SKAP2: variants seen among roughly 807,000 people sequenced by gnomAD.
SKAP2 encodes src kinase associated phosphoprotein 2.
A neutral mutation model predicts 54.9 loss-of-function variants in SKAP2; 28 were observed. That is an observed-to-expected ratio of 0.51 (90% confidence interval 0.38 to 0.70). The LOEUF (loss-of-function observed/expected upper bound fraction) is 0.70. SKAP2 is among the 30% of genes least tolerant of loss of function. The probability of loss-of-function intolerance (pLI) is 0.00; values close to 1 mark genes in which losing one functional copy is unlikely to be tolerated. For missense variants in SKAP2, 356 were observed against 424.1 expected, an observed-to-expected ratio of 0.84 and a Z score of 1.41; for synonymous variants, 137 against 134.3, an observed-to-expected ratio of 1.02 and a Z score of -0.14.
At chr7:26,827,605 C>T (rs186574429) in intron 4 of SKAP2, among the ~76,000 whole-genome samples, 69 of 152,282 alleles carry the variant, frequency 4.5e-4, no homozygotes, top group Non-Finnish European at 7.2e-4. Flanking sequence ...TCTGGCACTA[C>T]TGTAAATAAT....
At chr7:26,709,555 A>T (rs191214074) in intron 9 of SKAP2, among the ~76,000 whole-genome samples, 18 of 152,298 alleles carry the variant, frequency 1.2e-4, no homozygotes, top group Admixed American at 8.5e-4. Context: ...TTATCTAATC[A>T]TTGATTCTTA....
At chr7:26,714,382 T>C (rs1787384469) in intron 9 of SKAP2, among the ~76,000 whole-genome samples, 1 of 152,222 alleles carries the variant, frequency 6.6e-6, no homozygotes, top group Admixed American at 6.5e-5. Flanking sequence ...AGTTGTTATT[T>C]CTTCGTAAAA....
intron 11 of SKAP2, among the ~76,000 whole-genome samples, chr7:26,674,729 A>G (rs1015420397): frequency 1.5e-4 from 23 of 152,226 alleles, no homozygotes; most frequent in African/African-American, 5.5e-4. Context: ...GAGTTCCTCT[A>G]ATTCAAAGAA....
chr7:26,683,211 C>T (rs547057133), intron 11 of SKAP2, among the ~76,000 whole-genome samples: 55 of 152,270 alleles, frequency 3.6e-4, no homozygotes, highest in African/African-American at 1.1e-3. Context: ...AGTTTCTTGA[C>T]AGGAGCTGAA....
At chr7:26,682,866 A>G (rs539890243) in intron 11 of SKAP2, among the ~76,000 whole-genome samples, 1 of 152,298 alleles carries the variant, frequency 6.6e-6, no homozygotes, top group South Asian at 2.1e-4. Context: ...TATACTTTTA[A>G]TTTCATGTTA....
chr7:26,762,527 C>T (rs372761479), intron 4 of SKAP2, among the ~76,000 whole-genome samples: 114 of 152,074 alleles, frequency 7.5e-4, no homozygotes, highest in Admixed American at 2.1e-3. Context: ...GACGCTAATG[C>T]TTGCCTTTAA....
At chr7:26,768,005 T>C (rs10232778) in intron 4 of SKAP2, among the ~76,000 whole-genome samples, 57,950 of 152,046 alleles carry the variant, frequency 0.38, 11,617 homozygotes, top group Middle Eastern at 0.48. Flanking sequence ...GAGTTCAAGT[T>C]CTGAATATCC....
chr7:26,772,146 A>C (rs1783202284), intron 4 of SKAP2, among the ~76,000 whole-genome samples: 1 of 152,244 alleles, frequency 6.6e-6, no homozygotes. Context: ...AAGGAAATAA[A>C]ACTTTCATTT....
chr7:26,839,334 A>G (rs1035246129), intron 4 of SKAP2, among the ~76,000 whole-genome samples: 1 of 152,120 alleles, frequency 6.6e-6, no homozygotes, highest in Non-Finnish European at 1.5e-5. Context: ...AAAATACTTG[A>G]AACTGTGCTA....
In SKAP2 at chr7:26,725,425, T is replaced by A. The variant is rs780465619; in HGVS notation, c.796+3A>T. ...TTTAAATGAATCACCAGAAAGTAAA[T>A]ACCTGGAAGTTCTTCATAAATTTCA... On this transcript the variant is annotated splice_donor_region_variant and intron_variant, in intron 9 of 12. Coordinates refer to ENST00000345317, the MANE Select transcript of SKAP2 (RefSeq NM_003930.5). 1.2e-6 allele frequency: 2 copies of A among 1,606,992 alleles called. No homozygotes were observed. Among genetic ancestry groups the A allele is most frequent in the South Asian group, 2.2e-5 (2 of 90,650 alleles).
the SKAP2 span, among the ~76,000 whole-genome samples, chr7:26,659,298 C>T: frequency 1.3e-5 from 2 of 152,074 alleles, no homozygotes; most frequent in African/African-American, 4.8e-5. Context: ...ATTGTGAGGG[C>T]TCCATGTCCA....
At chr7:26,718,509 A>G (rs898125798) in intron 9 of SKAP2, among the ~76,000 whole-genome samples, 2 of 151,478 alleles carry the variant, frequency 1.3e-5, no homozygotes, top group Non-Finnish European at 2.9e-5. Flanking sequence ...AATTTATTTT[A>G]TTTTATTTTA....
At chr7:26,815,084 A>C (rs1412483327) in intron 4 of SKAP2, among the ~76,000 whole-genome samples, 2 of 147,482 alleles carry the variant, frequency 1.4e-5, no homozygotes, top group African/African-American at 4.9e-5. Flanking sequence ...ACAAAATAAA[A>C]CACAAGATAA....
At chr7:26,662,914 A>C (rs1309452630), downstream of SKAP2, among the ~76,000 whole-genome samples, 1 of 152,120 alleles carries the variant, frequency 6.6e-6, no homozygotes, top group Non-Finnish European at 1.5e-5. Context: ...TCCTTGGAAT[A>C]GCCTGAGGAG....
At chr7:26,754,122 G>C (rs919066961) in intron 4 of SKAP2, among the ~76,000 whole-genome samples, 1 of 152,118 alleles carries the variant, frequency 6.6e-6, no homozygotes, top group African/African-American at 2.4e-5. Context: ...CCAGCACTTT[G>C]GGAGGCTGAG....
At chr7:26,749,686 T>A (rs1288779746) in intron 4 of SKAP2, among the ~76,000 whole-genome samples, 4 of 151,344 alleles carry the variant, frequency 2.6e-5, no homozygotes, top group African/African-American at 9.7e-5. Context: ...AGGCTGCATA[T>A]GATAGTGCCA....
chr7:26,755,682 G>A (rs749138667), intron 4 of SKAP2, among the ~76,000 whole-genome samples: 1 of 152,136 alleles, frequency 6.6e-6, no homozygotes, highest in Non-Finnish European at 1.5e-5. Context: ...GCCTAGATTA[G>A]TGCCTGGGAC....
At chr7:26,672,985 A>G (rs768884367) in intron 11 of SKAP2, among the ~76,000 whole-genome samples, 2 of 152,048 alleles carry the variant, frequency 1.3e-5, no homozygotes, top group Admixed American at 6.6e-5. Flanking sequence ...TATGAATGAT[A>G]TATTACTTAC....
intron 9 of SKAP2, among the ~76,000 whole-genome samples, chr7:26,691,989 A>G (rs1461314983): frequency 6.6e-6 from 1 of 152,092 alleles, no homozygotes; most frequent in African/African-American, 2.4e-5. Flanking sequence ...TGAGCAGAGA[A>G]AGGGCAGGAC....
Sources: gnomAD v4.1 joint callset for allele counts (sites outside exome capture counted in the v4.1 genomes callset) on GRCh38, gnomAD v4.1.1 for gene constraint, MANE v1.5 for transcripts, NCBI Gene and HGNC (gene_info 2026-07-23, HGNC 2026-07-21) for gene names.